Variants in PITPNB observed in about 807,000 individuals in gnomAD.
PITPNB encodes phosphatidylinositol transfer protein beta, also known as phosphatidylinositol transfer protein beta isoform.
A neutral mutation model predicts 45.9 loss-of-function variants in PITPNB; 16 were observed. The ratio of observed to expected loss-of-function variants is 0.35; its 90% CI spans 0.24 to 0.53. PITPNB has a LOEUF of 0.53. Among genes scored for constraint, PITPNB ranks in the 20% least tolerant of loss-of-function variants. The pLI is 0.93. For missense variants in PITPNB, 188 were observed against 330.5 expected (o/e 0.57, Z 3.34); for synonymous variants, 112 against 108.9 (o/e 1.03, Z -0.18).
In PITPNB at chr22:27,854,879, ACAGGGGACT is replaced by A; in HGVS notation, c.*4_*12del. 3.7e-6 allele frequency: 6 copies of A among 1,612,414 alleles called. No individual in the cohort carries two copies. The highest frequency in any genetic ancestry group is 5.1e-6 in the Non-Finnish European group (6 of 1,178,398). On this transcript the variant is annotated 3_prime_UTR_variant, in exon 11 of 12. Coordinates refer to ENST00000335272, the MANE Select transcript of PITPNB (RefSeq NM_012399.5). The stretch of plus-strand genomic sequence containing the variant: ...ACAGTTTGACATTGTCTCTGACCCT[ACAGGGGACT>A]CATCTAGACATCAGCAGCCGACGTG...
Position 27,863,187 on chromosome 22 carries a change from A to G in PITPNB, c.535-2946T>C, listed in dbSNP as rs559734436. Among the ~76,000 whole-genome samples, 3 of 152,270 alleles carry G rather than the reference A, an allele frequency of 2.0e-5. No homozygotes were observed. The South Asian group carries it at 6.2e-4, about 32-fold the overall frequency. On this transcript the variant is annotated intron_variant, in intron 8 of 11. Transcript: ENST00000335272. ...ACAGTAGCACTAGACTAGGAGTGCT[A>G]CTTTGTTAAACTTCCTGTTTAACAA... is the stretch of plus-strand genomic sequence containing the variant.
rs1186686532 is a variant in PITPNB, at chr22:27,905,859, C to T, written c.197+5105G>A. On this transcript the variant is annotated intron_variant, in intron 3 of 11. Coordinates refer to ENST00000335272, the MANE Select transcript of PITPNB (RefSeq NM_012399.5). ...TTCGTACAGTGAGGTCTCAGGAGAG[C>T]TACAAGCTTTTCTCTGAAATACCAT... Among the ~76,000 whole-genome samples the T allele has an allele frequency of 3.9e-5, 6 of 152,144 alleles. No individual in the cohort carries two copies. The East Asian group carries it at 7.7e-4, about 20-fold the overall frequency.
intron 7 of PITPNB, chr22:27,894,289 C>T (rs1935373046): frequency 3.4e-6 from 1 of 290,326 alleles, no homozygotes; most frequent in African/African-American, 2.2e-5. Context: ...AAACAACCTA[C>T]ATTTCCCAGG....
chr22:27,877,817 C>G (rs1471192631), intron 7 of PITPNB, among the ~76,000 whole-genome samples: 1 of 152,106 alleles, frequency 6.6e-6, no homozygotes, highest in Non-Finnish European at 1.5e-5. Context: ...TTGAGATGAG[C>G]TCCAGACACC....
At position 27,897,192 on chromosome 22, in the gene PITPNB, T is replaced by C. The variant is rs1255143288; in HGVS notation, c.290-55A>G. Reference sequence around the variant, plus strand: ...AAGGAGAAAAATTTCAGAATATTAATTGGAGTCAAAACAATCTGTCCCAAT... The same window carrying C: ...AAGGAGAAAAATTTCAGAATATTAACTGGAGTCAAAACAATCTGTCCCAAT... On this transcript the variant is annotated intron_variant, in intron 4 of 11. Coordinates refer to ENST00000335272, the MANE Select transcript of PITPNB (RefSeq NM_012399.5). The C allele has an allele frequency of 1.3e-5, 16 of 1,219,304 alleles. No individual in the cohort carries two copies. The South Asian group carries it at 1.6e-4, about 12-fold the overall frequency. 75.5% of individuals were successfully genotyped at this position (1,219,304 alleles called of 1,614,324 possible).
At chr22:27,896,993 G>A in intron 5 of PITPNB, 137 bp downstream of exon 5, 2 of 734,070 alleles carry the variant, frequency 2.7e-6, no homozygotes, top group Non-Finnish European at 5.0e-6. Flanking sequence ...GTGGTAGAGT[G>A]TGGCGGCTGG....
At chr22:27,876,471 A>G (rs1028226594) in intron 7 of PITPNB, among the ~76,000 whole-genome samples, 1 of 152,226 alleles carries the variant, frequency 6.6e-6, no homozygotes, top group Non-Finnish European at 1.5e-5. Context: ...GAAAGATGAG[A>G]ATAATGAATC....
rs1228751751 is a variant in PITPNB at position 27,853,379 on chromosome 22, T to C, written c.*323A>G. 7.1e-6 allele frequency: 3 copies of C among 423,884 alleles called. No individual in the cohort carries two copies. Among genetic ancestry groups the C allele is most frequent in the African/African-American group, 2.0e-5 (1 of 49,186 alleles). The allele number at this position is 423,884 out of a possible 1,614,324, so 26.3% of individuals were successfully genotyped here. The stretch of plus-strand genomic sequence containing the variant: ...TTTTCTTTTGCATTCTTGCTGAAGA[T>C]AGGTACAGTACTTTGGAGAAATTGT... On this transcript the variant is annotated 3_prime_UTR_variant, in exon 12 of 12. Transcript: ENST00000335272.
intron 10 of PITPNB, among the ~76,000 whole-genome samples, chr22:27,856,535 C>CA (rs1185426898): frequency 1.3e-5 from 2 of 152,146 alleles, no homozygotes; most frequent in Non-Finnish European, 2.9e-5. Context: ...AAGTTCTGTC[C>CA]AAGGGGTCCA....
At chr22:27,908,042 C>T (rs1052023279) in intron 3 of PITPNB, among the ~76,000 whole-genome samples, 35 of 151,564 alleles carry the variant, frequency 2.3e-4, no homozygotes, top group African/African-American at 8.5e-4. Flanking sequence ...GAATTCTGAA[C>T]CTCATCCCCA....
intron 7 of PITPNB, among the ~76,000 whole-genome samples, chr22:27,890,520 G>C (rs1485391327): frequency 6.6e-6 from 1 of 151,920 alleles, no homozygotes; most frequent in Non-Finnish European, 1.5e-5. Flanking sequence ...TCCATCAACA[G>C]ATGAACGTAT....
At chr22:27,889,875 C>T (rs564537433) in intron 7 of PITPNB, among the ~76,000 whole-genome samples, 49 of 152,284 alleles carry the variant, frequency 3.2e-4, no homozygotes, top group African/African-American at 1.0e-3. Flanking sequence ...CTAGAATATT[C>T]GAGTGACAAA....
At chr22:27,917,087 G>T (rs574641490) in intron 1 of PITPNB, among the ~76,000 whole-genome samples, 1 of 152,330 alleles carries the variant, frequency 6.6e-6, no homozygotes, top group Admixed American at 6.5e-5. Flanking sequence ...AGATACACAT[G>T]AAGAGTTAAC....
intron 7 of PITPNB, among the ~76,000 whole-genome samples, chr22:27,884,749 C>T (rs1257743835): frequency 6.6e-6 from 1 of 152,094 alleles, no homozygotes; most frequent in Non-Finnish European, 1.5e-5. Flanking sequence ...TTAAATGGAT[C>T]CCGATTTTTA....
At chr22:27,876,282 T>C (rs1415345303) in intron 7 of PITPNB, among the ~76,000 whole-genome samples, 1 of 152,196 alleles carries the variant, frequency 6.6e-6, no homozygotes, top group Non-Finnish European at 1.5e-5. Flanking sequence ...TCAAAGTGGA[T>C]TTTCCTATGA....
chr22:27,913,817 G>A (rs1936002404), intron 2 of PITPNB, among the ~76,000 whole-genome samples: 1 of 152,166 alleles, frequency 6.6e-6, no homozygotes, highest in African/African-American at 2.4e-5. Flanking sequence ...TGGCTGGAGG[G>A]GAGAGCTGCC....
intron 7 of PITPNB, among the ~76,000 whole-genome samples, chr22:27,877,161 C>G (rs543718184): frequency 6.6e-6 from 1 of 152,158 alleles, no homozygotes; most frequent in Non-Finnish European, 1.5e-5. Context: ...TGCTAAAGTG[C>G]ACTGTGTTTA....
chr22:27,889,801 T>C (rs1601407970), intron 7 of PITPNB, among the ~76,000 whole-genome samples: 1 of 152,370 alleles, frequency 6.6e-6, no homozygotes, highest in East Asian at 1.9e-4. Flanking sequence ...TCAGTACTAT[T>C]GACTGCTATG....
intron 7 of PITPNB, among the ~76,000 whole-genome samples, chr22:27,893,582 C>CTTTTT (rs745878388): frequency 4.7e-4 from 35 of 74,050 alleles, no homozygotes; most frequent in Non-Finnish European, 4.9e-4. Flanking sequence ...CATGTCTAGC[C>CTTTTT]TTTTTTTTTT....
Sources: allele counts gnomAD v4.1 joint callset (sites outside exome capture counted in the v4.1 genomes callset), GRCh38; gene constraint gnomAD v4.1.1; transcripts MANE v1.5; gene names NCBI Gene and HGNC (gene_info 2026-07-23, HGNC 2026-07-21).